Variants in ST3GAL4 observed in about 807,000 individuals in gnomAD.
The protein encoded by ST3GAL4 is CMP-N-acetylneuraminate-beta-galactosamide-alpha-2,3-sialyltransferase 4.
A neutral mutation model predicts 42.6 loss-of-function variants in ST3GAL4; 24 were observed. The observed-to-expected ratio is 0.56, with a 90% CI of 0.41 to 0.79. ST3GAL4 has a LOEUF of 0.79. ST3GAL4 is among the 30% of genes least tolerant of loss of function. The pLI is 0.00. For synonymous variants in ST3GAL4, 135 were observed against 163.2 expected, an observed-to-expected ratio of 0.83 and a Z score of 1.32; for missense variants, 311 against 430.8, an observed-to-expected ratio of 0.72 and a Z score of 2.46.
At chr11:126,407,454 G>A (rs539143452) in intron 5 of ST3GAL4, 105 bp downstream of exon 5, 124 of 1,547,590 alleles carry the variant, frequency 8.0e-5, no homozygotes, top group African/African-American at 7.5e-4. Flanking sequence ...AGCCTGACTC[G>A]GGTACCAGGG....
intron 1 of ST3GAL4, among the ~76,000 whole-genome samples, chr11:126,357,869 C>G (rs1952121085): frequency 1.3e-5 from 2 of 152,276 alleles, no homozygotes; most frequent in African/African-American, 4.8e-5. Flanking sequence ...GAATTCTTCT[C>G]AGAATGGCTC....
intron 1 of ST3GAL4, among the ~76,000 whole-genome samples, chr11:126,388,679 T>TTTTTTTTTTTTTTTTTCC (rs1239186575): frequency 1.6e-5 from 2 of 122,640 alleles, no homozygotes; most frequent in African/African-American, 6.9e-5. Context: ...TTTTTTTTTT[T>TTTTTTTTTTTTTTTTTCC]TTCTGATTTA....
chr11:126,362,193 CTT>C (rs763280766), intron 1 of ST3GAL4, among the ~76,000 whole-genome samples: 34 of 119,054 alleles, frequency 2.9e-4, no homozygotes, highest in African/African-American at 6.9e-4. Context: ...ACATTTCTTC[CTT>C]TTTTTTTTTT....
In ST3GAL4 at chr11:126,386,023, C is replaced by G. The variant is rs1027179576; in HGVS notation, c.-60-20073C>G. Among the ~76,000 whole-genome samples the G allele has an allele frequency of 2.0e-5, 3 of 152,184 alleles. No individual in the cohort carries two copies. Among genetic ancestry groups the G allele is most frequent in the African/African-American group, 2.4e-5 (1 of 41,456 alleles). On this transcript the variant is annotated intron_variant, in intron 1 of 10. Coordinates refer to ENST00000444328, the MANE Select transcript of ST3GAL4 (RefSeq NM_001254757.2). The surrounding 1 kb of genome is among the most constrained non-coding windows in gnomAD (Gnocchi z 4.7). ...CCTGGCTGTCTGCCACCATATGGAA[C>G]TTTCTGTGCCTTGCACCCAGCCAGC...
At chr11:126,365,599 C>T (rs1405884532) in intron 1 of ST3GAL4, among the ~76,000 whole-genome samples, 1 of 152,222 alleles carries the variant, frequency 6.6e-6, no homozygotes, top group African/African-American at 2.4e-5. Context: ...CAGGTAGTGA[C>T]CAGGCCCTGA....
chr11:126,369,950 T>C (rs1194421021), intron 1 of ST3GAL4, among the ~76,000 whole-genome samples: 1 of 152,232 alleles, frequency 6.6e-6, no homozygotes, highest in East Asian at 1.9e-4. Flanking sequence ...ATATTATGCT[T>C]TGGAGATCAG....
At chr11:126,405,059 C>G (rs1305723313) in intron 1 of ST3GAL4, among the ~76,000 whole-genome samples, 1 of 152,228 alleles carries the variant, frequency 6.6e-6, no homozygotes, top group Non-Finnish European at 1.5e-5. Context: ...AATGCCTGTC[C>G]CAGGCCATAC....
In ST3GAL4 at chr11:126,383,282, G is replaced by A. The variant is rs1242516021; in HGVS notation, c.-60-22814G>A. 2.6e-5 allele frequency among the ~76,000 whole-genome samples: 4 copies of A among 152,188 alleles called. No individual in the cohort carries two copies. The highest frequency in any genetic ancestry group is 7.2e-5 in the African/African-American group (3 of 41,444). ...CCCCTTTCCGTGACTTTGGAGGAAC[G>A]AGGTTCCTGAGGGCTGGCACAGCCA... is the stretch of plus-strand genomic sequence containing the variant. On this transcript the variant is annotated intron_variant, in intron 1 of 10. Transcript: ENST00000444328. The surrounding 1 kb of genome is among the most constrained non-coding windows in gnomAD (Gnocchi z 4.5).
chr11:126,365,498 G>A (rs1435617161), intron 1 of ST3GAL4, among the ~76,000 whole-genome samples: 1 of 152,188 alleles, frequency 6.6e-6, no homozygotes, highest in Non-Finnish European at 1.5e-5. Flanking sequence ...ATATTCCATG[G>A]GACCCTGGGC....
chr11:126,375,300 G>A (rs1204135312), intron 1 of ST3GAL4, among the ~76,000 whole-genome samples: 3 of 152,232 alleles, frequency 2.0e-5, no homozygotes, highest in South Asian at 2.1e-4. Context: ...TGTCTCGTGC[G>A]GAAGCGTGGC....
At chr11:126,405,239 T>G (rs1164271007) in intron 1 of ST3GAL4, among the ~76,000 whole-genome samples, 1 of 152,254 alleles carries the variant, frequency 6.6e-6, no homozygotes, top group Non-Finnish European at 1.5e-5. Context: ...TACAGAAATG[T>G]CTTCTGCAGT....
At chr11:126,375,094 A>T (rs924858345) in intron 1 of ST3GAL4, 1 of 152,290 alleles carries the variant, frequency 6.6e-6, no homozygotes, top group Non-Finnish European at 1.5e-5. Context: ...AGGAGTCCGC[A>T]GCCCGGGAGA....
In ST3GAL4 at chr11:126,407,570, G is replaced by T; in HGVS notation, c.281-4G>T. The T allele has an allele frequency of 6.2e-7, 1 of 1,614,130 alleles. No homozygotes were observed. The highest frequency in any genetic ancestry group is 8.5e-7 in the Non-Finnish European group (1 of 1,180,018). On this transcript the variant is annotated splice_region_variant and splice_polypyrimidine_tract_variant and intron_variant, in intron 5 of 10. Coordinates refer to ENST00000444328, the MANE Select transcript of ST3GAL4 (RefSeq NM_001254757.2). ...TCAGTCCCTCCGCCTGGTACTTTTT[G>T]TAGAGGATCTGCTCCTCCGGGTGCT...
chr11:126,413,295 A>G, intron 9 of ST3GAL4: 1 of 520,996 alleles, frequency 1.9e-6, no homozygotes. Flanking sequence ...TAAATTTACA[A>G]TTTAATTAAT....
At position 126,388,679 on chromosome 11, in the gene ST3GAL4, T is replaced by TTTTTTTTTTTTC. The variant is rs1239186575; in HGVS notation, c.-60-17415_-60-17414insTTTTTTTTTCTT. Among the ~76,000 whole-genome samples the TTTTTTTTTTTTC allele has an allele frequency of 1.5e-3, 184 of 122,680 alleles. 1 individual carries two copies. Among genetic ancestry groups the TTTTTTTTTTTTC allele is most frequent in the African/African-American group, 5.1e-3 (149 of 29,036 alleles). The allele number at this position is 122,680 out of a possible 152,430, so 80.5% of individuals were successfully genotyped here. A position where few individuals can be genotyped will look rare whatever the true frequency, so the allele number is the denominator to read the frequency against. On this transcript the variant is annotated intron_variant, in intron 1 of 10. Transcript: ENST00000444328. Reference sequence around the variant, plus strand: ...TTTCTTGTTTTTTTTTTTTTTTTTTTTTCTGATTTACGTGAGCACATCATA... The same window carrying TTTTTTTTTTTTC: ...TTTCTTGTTTTTTTTTTTTTTTTTTTTTTTTTTTTTTCTTCTGATTTACGTGAGCACATCATA...
chr11:126,375,983 G>A (rs183549521), intron 1 of ST3GAL4, among the ~76,000 whole-genome samples: 1 of 149,986 alleles, frequency 6.7e-6, no homozygotes, highest in Admixed American at 6.7e-5. Flanking sequence ...TACATCGTTA[G>A]TCACGTATTA....
rs189510657 is a variant in ST3GAL4, at chr11:126,392,375, G to A, written c.-60-13721G>A. 9.9e-3 allele frequency: 9,713 copies of A among 985,794 alleles called. 54 individuals are homozygous for A. The highest frequency in any genetic ancestry group is 0.011 in the Non-Finnish European group (9,073 of 829,876). 61.1% of individuals were successfully genotyped at this position (985,794 alleles called of 1,614,324 possible). ...AGCTGGTAAGTGGTTAAGATCAGTC[G>A]GACATGACAACCTCCAGTTCTGCAG... On this transcript the variant is annotated intron_variant, in intron 1 of 10. Coordinates refer to ENST00000444328, the MANE Select transcript of ST3GAL4 (RefSeq NM_001254757.2). This position sits in a 1 kb window ranked among gnomAD's most constrained non-coding sequence, Gnocchi z 5.8.
intron 1 of ST3GAL4, among the ~76,000 whole-genome samples, chr11:126,374,861 TC>T (rs1260024821): frequency 6.6e-6 from 1 of 151,926 alleles, no homozygotes; most frequent in Non-Finnish European, 1.5e-5. Context: ...GTGGGAGAAC[TC>T]CCCAGCCCGT....
chr11:126,357,460 A>G (rs967828066), intron 1 of ST3GAL4, among the ~76,000 whole-genome samples: 7 of 152,176 alleles, frequency 4.6e-5, no homozygotes, highest in African/African-American at 1.7e-4. Flanking sequence ...GTTCAGAGAC[A>G]ACAGGGCCGC....
Sources: allele counts gnomAD v4.1 joint callset (sites outside exome capture counted in the v4.1 genomes callset), GRCh38; gene constraint gnomAD v4.1.1; non-coding constraint Gnocchi (gnomAD v3.1); transcripts MANE v1.5; gene names NCBI Gene and HGNC (gene_info 2026-07-23, HGNC 2026-07-21).